The following PIK3R6 variants were observed in gnomAD, a reference collection of about 807,000 sequenced individuals.
PIK3R6 encodes phosphoinositide 3-kinase regulatory subunit 6.
In PIK3R6, 91 loss-of-function variants were observed where a neutral mutation model predicts 84.9. The ratio of observed to expected loss-of-function variants is 1.07; its 90% CI spans 0.90 to 1.28. The LOEUF (loss-of-function observed/expected upper bound fraction) is 1.28, where lower values mean the gene tolerates loss of function less well. PIK3R6 is among the 50% of genes most tolerant of loss of function. The probability of loss-of-function intolerance (pLI) is 0.00; values close to 1 mark genes in which losing one functional copy is unlikely to be tolerated. For missense variants in PIK3R6, 996 were observed against 985.1 expected, an observed-to-expected ratio of 1.01 and a Z score of -0.15; for synonymous variants, 416 against 411.4, an observed-to-expected ratio of 1.01 and a Z score of -0.13.
chr17:8,854,875 G>C (rs2089082963), intron 1 of PIK3R6, among the ~76,000 whole-genome samples: 1 of 152,148 alleles, frequency 6.6e-6, no homozygotes, highest in African/African-American at 2.4e-5. Flanking sequence ...TAAAACTTTG[G>C]TTTTATGACA....
chr17:8,804,555 T>C (rs2087143120), intron 18 of PIK3R6, among the ~76,000 whole-genome samples: 1 of 152,150 alleles, frequency 6.6e-6, no homozygotes, highest in African/African-American at 2.4e-5. Context: ...TGACCCCGGT[T>C]CTCAGCATTA....
intron 13 of PIK3R6, among the ~76,000 whole-genome samples, chr17:8,824,027 TG>T (rs2087837810): frequency 6.6e-6 from 1 of 152,186 alleles, no homozygotes; most frequent in African/African-American, 2.4e-5. Flanking sequence ...CTCAACACTT[TG>T]GGAGGCTGAG....
intron 6 of PIK3R6, 86 bp downstream of exon 6, chr17:8,836,705 C>T: frequency 1.2e-6 from 2 of 1,611,730 alleles, no homozygotes; most frequent in Non-Finnish European, 1.7e-6. Context: ...GGCTTTTGAG[C>T]TCCCCGGTAT....
At chr17:8,821,996 T>A (rs1015914202) in intron 16 of PIK3R6, 60 bp from the exon 17 acceptor site, 2 of 1,322,058 alleles carry the variant, frequency 1.5e-6, no homozygotes, top group African/African-American at 3.0e-5. Context: ...TCCCCATGCA[T>A]CCCCACATCC....
chr17:8,866,011 G>A (rs1289516435), intron 1 of PIK3R6, among the ~76,000 whole-genome samples: 1 of 152,168 alleles, frequency 6.6e-6, no homozygotes, highest in African/African-American at 2.4e-5. Flanking sequence ...CAGCCGAGGC[G>A]CTTTCGTGGA....
At chr17:8,828,037 T>C in intron 12 of PIK3R6, 75 bp downstream of exon 12, 1 of 1,448,800 alleles carries the variant, frequency 6.9e-7, no homozygotes, top group Non-Finnish European at 9.7e-7. Flanking sequence ...ATGTGGGGGA[T>C]GCGGGGCTGC....
intron 1 of PIK3R6, among the ~76,000 whole-genome samples, chr17:8,858,123 A>G (rs1409412972): frequency 6.6e-6 from 1 of 152,166 alleles, no homozygotes; most frequent in East Asian, 1.9e-4. Context: ...TGACCACACC[A>G]GTGTGGGGGA....
chr17:8,829,942 C>A (rs1255384331), intron 9 of PIK3R6, 150 bp from the exon 10 acceptor site: 8 of 613,464 alleles, frequency 1.3e-5, no homozygotes, highest in Non-Finnish European at 2.2e-5. Flanking sequence ...TCTCTGCCAC[C>A]ACCAGCCCAT....
chr17:8,852,017 T>C (rs1225309365), intron 1 of PIK3R6, among the ~76,000 whole-genome samples: 1 of 152,176 alleles, frequency 6.6e-6, no homozygotes, highest in African/African-American at 2.4e-5. Flanking sequence ...AGTAAGTCAG[T>C]CATAAAAGGA....
At chr17:8,810,163 G>A (rs2087316249) in intron 18 of PIK3R6, among the ~76,000 whole-genome samples, 1 of 148,110 alleles carries the variant, frequency 6.8e-6, no homozygotes, top group Non-Finnish European at 1.5e-5. Context: ...GAAGGCAAAG[G>A]AGGAGCAAAG....
At chr17:8,824,626 A>G (rs925077641) in intron 13 of PIK3R6, among the ~76,000 whole-genome samples, 1 of 152,216 alleles carries the variant, frequency 6.6e-6, no homozygotes, top group African/African-American at 2.4e-5. Context: ...AGGGCCATTC[A>G]AATTGTTAAT....
rs759351044 is a variant in PIK3R6, at chr17:8,836,611, G to C, written c.397C>G (p.Leu133Val). ...TCGGCAATGACCATCCTTTGGTACA[G>C]TGTCCCTGCAAACCAGACCACTTTG... ...LKTEMAVPGT[L>V]YQRMVIAEQN... Residue 133 changes from leucine (L) to valine (V), a missense_variant, in exon 7 of 20, where the codon CTG becomes GTG. Transcript: ENST00000619866. 6.2e-6 allele frequency: 10 copies of C among 1,613,880 alleles called. No homozygotes were observed. Among genetic ancestry groups the C allele is most frequent in the Non-Finnish European group, 8.5e-6 (10 of 1,179,912 alleles).
At position 8,804,331 on chromosome 17, in the gene PIK3R6, G is replaced by C. The variant is rs576628902; in HGVS notation, c.1996-178C>G. On this transcript the variant is annotated intron_variant, in intron 18 of 19. Transcript: ENST00000619866. ...CACAAACTGCTTCTAGGCTGCCCTTGCCCTTGGATCTCACATCGTTCTTCC... is the reference window on the plus strand; with the variant it reads ...CACAAACTGCTTCTAGGCTGCCCTTCCCCTTGGATCTCACATCGTTCTTCC... Among the ~76,000 whole-genome samples the C allele has an allele frequency of 6.9e-4, 105 of 152,264 alleles. 1 individual carries two copies. Among genetic ancestry groups the C allele is most frequent in the Middle Eastern group, 3.4e-3 (1 of 294 alleles).
At chr17:8,856,835 C>T (rs2089153031) in intron 1 of PIK3R6, among the ~76,000 whole-genome samples, 2 of 151,644 alleles carry the variant, frequency 1.3e-5, no homozygotes, top group Non-Finnish European at 1.5e-5. Context: ...TTATTTTTTA[C>T]TGTGTAACAG....
At chr17:8,828,033 G>A in intron 12 of PIK3R6, 79 bp downstream of exon 12, 1 of 1,424,508 alleles carries the variant, frequency 7.0e-7, no homozygotes, top group Non-Finnish European at 9.9e-7. Context: ...GGGGATGTGG[G>A]GGATGCGGGG....
intron 12 of PIK3R6, 76 bp downstream of exon 12, chr17:8,828,036 A>C: frequency 1.4e-6 from 2 of 1,440,242 alleles, no homozygotes; most frequent in Non-Finnish European, 1.9e-6. Context: ...GATGTGGGGG[A>C]TGCGGGGCTG....
chr17:8,835,349 C>T lies in PIK3R6; in HGVS notation c.569G>A (p.Arg190His), dbSNP rs756397939. ...QAQQTPETCM[R>H]HVVSHALQAA... ...CTGCAGGGCGTGGGAGACCACGTGG[C>T]GCATGCAGGTCTCTGGTGTCTGCTG... The change falls in exon 8 of 20, where the codon CGC (arginine) becomes CAC (histidine). Residue 190 changes from arginine (R) to histidine (H), a missense_variant. Transcript: ENST00000619866. 2.7e-5 allele frequency: 44 copies of T among 1,610,704 alleles called. No individual in the cohort carries two copies. The highest frequency in any genetic ancestry group is 5.0e-5 in the Admixed American group (3 of 59,780).
intron 9 of PIK3R6, among the ~76,000 whole-genome samples, chr17:8,830,107 G>C (rs16957646): frequency 0.011 from 1,692 of 152,318 alleles, 12 homozygotes; most frequent in African/African-American, 0.022. Flanking sequence ...CTTCAGCCCT[G>C]TGCAGCTGCC....
At chr17:8,860,284 T>TGGGG (rs200248347) in intron 1 of PIK3R6, among the ~76,000 whole-genome samples, 2 of 146,400 alleles carry the variant, frequency 1.4e-5, no homozygotes, top group African/African-American at 5.5e-5. Context: ...CTCCGCCTCC[T>TGGGG]GGGGCGGGGG....
Sources: gnomAD v4.1 joint callset for allele counts (sites outside exome capture counted in the v4.1 genomes callset) on GRCh38, gnomAD v4.1.1 for gene constraint, MANE v1.5 for transcripts, NCBI Gene and HGNC (gene_info 2026-07-23, HGNC 2026-07-21) for gene names.